Variants in CNTNAP2 observed in about 807,000 individuals in gnomAD.
CNTNAP2 encodes the protein contactin-associated protein-like 2.
Under a neutral mutation model 155.2 loss-of-function variants are expected in CNTNAP2, and 98 were observed. The observed-to-expected ratio is 0.63, with a 90% CI of 0.54 to 0.75. The LOEUF (loss-of-function observed/expected upper bound fraction) is 0.75, where lower values mean the gene tolerates loss of function less well. CNTNAP2 is among the 30% of genes least tolerant of loss of function. The probability of loss-of-function intolerance (pLI) is 0.00; values close to 1 mark genes in which losing one functional copy is unlikely to be tolerated. For synonymous variants in CNTNAP2, 651 were observed against 631.2 expected (o/e 1.03, Z -0.47); for missense variants, 1,727 against 1,688.1 (o/e 1.02, Z -0.40).
intron 1 of CNTNAP2, among the ~76,000 whole-genome samples, chr7:146,769,171 C>A (rs920776217): frequency 1.3e-5 from 2 of 152,210 alleles, no homozygotes; most frequent in African/African-American, 2.4e-5. Context: ...AAGGGAAGTA[C>A]GCTGGAGACC....
intron 8 of CNTNAP2, among the ~76,000 whole-genome samples, chr7:147,283,429 A>G (rs1346570048): frequency 1.3e-5 from 2 of 151,886 alleles, no homozygotes; most frequent in African/African-American, 4.8e-5. Flanking sequence ...TTTTAACTAG[A>G]GGGATGCTCA....
intron 10 of CNTNAP2, among the ~76,000 whole-genome samples, chr7:147,469,751 C>G (rs1039855513): frequency 6.6e-6 from 1 of 151,936 alleles, no homozygotes; most frequent in Non-Finnish European, 1.5e-5. Context: ...ATCTCCTGAC[C>G]TCGTGATCCG....
In CNTNAP2 at chr7:147,837,963, C is replaced by A. The variant is rs940921622; in HGVS notation, c.2099-65602C>A. On this transcript the variant is annotated intron_variant, in intron 13 of 23. Transcript: ENST00000361727. Reference sequence around the variant, plus strand: ...GCATGGTAGTTCTCCATGAGCACCCCGCCCCTGCAGCAAATTTCTGCCTGG... The same window carrying A: ...GCATGGTAGTTCTCCATGAGCACCCAGCCCCTGCAGCAAATTTCTGCCTGG... Among the ~76,000 whole-genome samples the A allele has an allele frequency of 4.6e-5, 7 of 152,240 alleles. No homozygotes were observed. In the East Asian group the frequency reaches 1.4e-3, roughly 29 times the overall value.
chr7:147,915,130 C>A (rs1413819133), intron 14 of CNTNAP2, among the ~76,000 whole-genome samples: 2 of 152,096 alleles, frequency 1.3e-5, no homozygotes, highest in Non-Finnish European at 2.9e-5. Context: ...ATACTAAATT[C>A]TTATTTTAAG....
At chr7:146,811,608 TTTTC>T (rs1803067964) in intron 2 of CNTNAP2, among the ~76,000 whole-genome samples, 1 of 152,228 alleles carries the variant, frequency 6.6e-6, no homozygotes, top group Admixed American at 6.5e-5. Context: ...TTCTATAGGC[TTTTC>T]TTTATTTCTA....
chr7:146,859,446 C>T (rs1004959932), intron 3 of CNTNAP2, among the ~76,000 whole-genome samples: 5 of 152,092 alleles, frequency 3.3e-5, no homozygotes, highest in African/African-American at 9.7e-5. Context: ...CACCTGAGGC[C>T]GGGAGTTCAA....
At chr7:147,806,950 T>A (rs1798100450) in intron 13 of CNTNAP2, among the ~76,000 whole-genome samples, 1 of 152,114 alleles carries the variant, frequency 6.6e-6, no homozygotes, top group Admixed American at 6.5e-5. Context: ...ATAGGGTGAC[T>A]ATAGTTAACA....
chr7:148,266,729 G>T (rs6973990), intron 20 of CNTNAP2, among the ~76,000 whole-genome samples: 115,353 of 152,078 alleles, frequency 0.76, 43,892 homozygotes, highest in South Asian at 0.87. Flanking sequence ...TCAAGCAGAT[G>T]TTACTCCATT....
intron 1 of CNTNAP2, among the ~76,000 whole-genome samples, chr7:146,557,760 C>G (rs891322594): frequency 6.6e-6 from 1 of 152,172 alleles, no homozygotes; most frequent in East Asian, 1.9e-4. Flanking sequence ...TTGTATGCTC[C>G]CTGTGTGTGA....
At chr7:147,793,513 T>G (rs2116576714) in intron 13 of CNTNAP2, among the ~76,000 whole-genome samples, 1 of 152,254 alleles carries the variant, frequency 6.6e-6, no homozygotes. Context: ...AGTATATTTC[T>G]ATTTAATTGA....
intron 1 of CNTNAP2, among the ~76,000 whole-genome samples, chr7:146,627,640 A>G (rs767794035): frequency 4.6e-5 from 7 of 152,154 alleles, no homozygotes; most frequent in Non-Finnish European, 7.4e-5. Flanking sequence ...TAAAACTTTT[A>G]TGTAATGACC....
intron 1 of CNTNAP2, among the ~76,000 whole-genome samples, chr7:146,350,303 A>C (rs1192777243): frequency 1.3e-5 from 2 of 152,196 alleles, no homozygotes; most frequent in African/African-American, 4.8e-5. Context: ...AATATCTAGA[A>C]TCTACAATGA....
At chr7:148,169,648 T>C (rs1422763462) in intron 17 of CNTNAP2, among the ~76,000 whole-genome samples, 2 of 152,138 alleles carry the variant, frequency 1.3e-5, no homozygotes, top group African/African-American at 4.8e-5. Context: ...GATGTTCTCG[T>C]TGTACATTTA....
chr7:146,184,690 G>A (rs1375557570), intron 1 of CNTNAP2, among the ~76,000 whole-genome samples: 2 of 152,174 alleles, frequency 1.3e-5, no homozygotes, highest in Non-Finnish European at 2.9e-5. Context: ...TGGAGTTGCT[G>A]AATATTTTAC....
Position 147,995,976 on chromosome 7 carries a change from T to C in CNTNAP2, c.2383+17987T>C, listed in dbSNP as rs1201214979. 3.9e-5 allele frequency among the ~76,000 whole-genome samples: 6 copies of C among 152,304 alleles called. No homozygotes were observed. In the East Asian group the frequency reaches 1.2e-3, roughly 29 times the overall value. ...CAGTGAAAATGCAAATGCAGGACCA[T>C]TTGTATTGTGAATTTTAAAAGAGAG... On this transcript the variant is annotated intron_variant, in intron 15 of 23. Coordinates refer to ENST00000361727, the MANE Select transcript of CNTNAP2 (RefSeq NM_014141.6).
intron 1 of CNTNAP2, among the ~76,000 whole-genome samples, chr7:146,319,650 C>T (rs1386598167): frequency 6.6e-6 from 1 of 152,166 alleles, no homozygotes; most frequent in African/African-American, 2.4e-5. Context: ...AAGATGTGAT[C>T]GGCTTCAAAC....
chr7:146,236,517 C>A (rs1197920807), intron 1 of CNTNAP2, among the ~76,000 whole-genome samples: 4 of 152,028 alleles, frequency 2.6e-5, no homozygotes, highest in Non-Finnish European at 5.9e-5. Flanking sequence ...TTTGTTTATT[C>A]TTTTAGAAAA....
chr7:147,548,243 T>G (rs1799781716), intron 11 of CNTNAP2, among the ~76,000 whole-genome samples: 1 of 152,210 alleles, frequency 6.6e-6, no homozygotes, highest in Non-Finnish European at 1.5e-5. Flanking sequence ...GTGTTCCTAT[T>G]TCTCCACAGC....
At chr7:146,319,026 C>T (rs1178550119) in intron 1 of CNTNAP2, among the ~76,000 whole-genome samples, 2 of 152,064 alleles carry the variant, frequency 1.3e-5, no homozygotes, top group East Asian at 3.9e-4. Context: ...AATACGCCCA[C>T]TGTCACAGAT....
Sources: allele counts gnomAD v4.1 joint callset (sites outside exome capture counted in the v4.1 genomes callset), GRCh38; gene constraint gnomAD v4.1.1; transcripts MANE v1.5; gene names NCBI Gene and HGNC (gene_info 2026-07-23, HGNC 2026-07-21).